PPP2R1B: variants seen among roughly 807,000 people sequenced by gnomAD.
PPP2R1B encodes serine/threonine-protein phosphatase 2A 65 kDa regulatory subunit A beta isoform.
A neutral mutation model predicts 72.7 loss-of-function variants in PPP2R1B; 58 were observed. The ratio of observed to expected loss-of-function variants is 0.80; its 90% CI spans 0.65 to 0.99. The LOEUF is 0.99. Ranked by LOEUF, PPP2R1B falls within the 50% of genes least tolerant of loss-of-function variation. The probability of loss-of-function intolerance (pLI) is 0.00; values close to 1 mark genes in which losing one functional copy is unlikely to be tolerated. For synonymous variants in PPP2R1B, 256 were observed against 264.6 expected (o/e 0.97, Z 0.32); for missense variants, 695 against 733.6 (o/e 0.95, Z 0.61).
chr11:111,763,671 G>A (rs908453099), intron 3 of PPP2R1B, among the ~76,000 whole-genome samples: 3 of 152,200 alleles, frequency 2.0e-5, no homozygotes, highest in Non-Finnish European at 4.4e-5. Flanking sequence ...TACATTCTAG[G>A]TTTTGGCTTG....
chr11:111,690,371 C>G, the PPP2R1B span, among the ~76,000 whole-genome samples: 1 of 150,876 alleles, frequency 6.6e-6, no homozygotes. Flanking sequence ...AAATATTTAC[C>G]AAAACAATAG....
At chr11:111,698,495 A>G in the PPP2R1B span, among the ~76,000 whole-genome samples, 1 of 152,204 alleles carries the variant, frequency 6.6e-6, no homozygotes, top group African/African-American at 2.4e-5. Context: ...TAATCCCAGC[A>G]CTTTGGGAGG....
the PPP2R1B span, chr11:111,712,087 T>C: frequency 3.9e-6 from 4 of 1,035,424 alleles, no homozygotes; most frequent in South Asian, 1.6e-5. Context: ...CTTTCTGGAG[T>C]TTCCAATAAA....
the PPP2R1B span, among the ~76,000 whole-genome samples, chr11:111,714,561 T>A: frequency 6.6e-6 from 1 of 152,162 alleles, no homozygotes; most frequent in Non-Finnish European, 1.5e-5. Context: ...ACTAGAATAG[T>A]GGCAGATAGA....
intron 14 of PPP2R1B, 178 bp downstream of exon 14, chr11:111,741,875 G>A (rs896231632): frequency 1.3e-6 from 1 of 744,436 alleles, no homozygotes; most frequent in East Asian, 2.6e-5. Context: ...GCTCACTTAT[G>A]AGAAAATGGT....
At chr11:111,765,685 G>A (rs1233508915) in intron 1 of PPP2R1B, 2 of 504,196 alleles carry the variant, frequency 4.0e-6, no homozygotes, top group Non-Finnish European at 7.7e-6. Flanking sequence ...CTTTGGCAGT[G>A]GTGAAGCAGG....
chr11:111,729,506 A>C (rs1944110048), intron 15 of PPP2R1B: 1 of 152,230 alleles, frequency 6.6e-6, no homozygotes, highest in Non-Finnish European at 1.5e-5. Flanking sequence ...GAAGTTTGTG[A>C]CTTCTCTGAG....
intron 3 of PPP2R1B, 59 bp from the exon 4 acceptor site, chr11:111,761,110 G>A (rs781980499): frequency 7.9e-6 from 11 of 1,397,738 alleles, no homozygotes; most frequent in Non-Finnish European, 9.0e-6. Flanking sequence ...GTTAGAAACA[G>A]ATAATCACCT....
At chr11:111,754,012 G>A (rs1945010420) in intron 8 of PPP2R1B, among the ~76,000 whole-genome samples, 1 of 151,896 alleles carries the variant, frequency 6.6e-6, no homozygotes. Flanking sequence ...AACCTCCTGG[G>A]CTCAAGCAAT....
downstream of PPP2R1B, among the ~76,000 whole-genome samples, chr11:111,734,556 C>G (rs1227772586): frequency 6.6e-6 from 1 of 152,248 alleles, no homozygotes; most frequent in East Asian, 1.9e-4. Context: ...GCCTAAGGAC[C>G]TGCTCCCGTG....
chr11:111,722,504 GA>G (rs935605477), downstream of PPP2R1B, among the ~76,000 whole-genome samples: 10 of 152,362 alleles, frequency 6.6e-5, no homozygotes, highest in African/African-American at 2.2e-4. This position sits in a 1 kb window ranked among gnomAD's most constrained non-coding sequence, Gnocchi z 4.4. Flanking sequence ...CTGCGGGCCC[GA>G]TGCTCTTTCA....
chr11:111,726,860 T>C, downstream of PPP2R1B: 2 of 1,019,316 alleles, frequency 2.0e-6, no homozygotes, highest in Non-Finnish European at 3.0e-6. Context: ...CAGGCTCCTC[T>C]GAAGAGACTT....
chr11:111,691,182 T>C, the PPP2R1B span, among the ~76,000 whole-genome samples: 1 of 152,212 alleles, frequency 6.6e-6, no homozygotes, highest in Non-Finnish European at 1.5e-5. Flanking sequence ...TTGTGTGATA[T>C]CTTAGGTTTT....
chr11:111,758,590 AAAAAGAAAAG>A (rs566275838), intron 5 of PPP2R1B, among the ~76,000 whole-genome samples: 34 of 152,282 alleles, frequency 2.2e-4, no homozygotes, highest in African/African-American at 3.6e-4. Flanking sequence ...CTCCTTTTAA[AAAAAGAAAAG>A]AAAAGAAAAG....
the PPP2R1B span, among the ~76,000 whole-genome samples, chr11:111,697,048 A>G: frequency 3.3e-5 from 5 of 152,182 alleles, no homozygotes; most frequent in East Asian, 1.9e-4. Flanking sequence ...AACTTCTTCA[A>G]AAATAACTAT....
chr11:111,725,000 C>G (rs1943923490), downstream of PPP2R1B: 1 of 152,540 alleles, frequency 6.6e-6, no homozygotes, highest in Non-Finnish European at 1.5e-5. Context: ...CAGTCGGTCT[C>G]CAGGGTACCT....
At chr11:111,707,834 C>T in the PPP2R1B span, among the ~76,000 whole-genome samples, 1 of 152,158 alleles carries the variant, frequency 6.6e-6, no homozygotes, top group African/African-American at 2.4e-5. Context: ...TCATGCAGAC[C>T]TTGGGTTCCA....
At chr11:111,702,767 G>GCTA in the PPP2R1B span, among the ~76,000 whole-genome samples, 2 of 152,208 alleles carry the variant, frequency 1.3e-5, no homozygotes, top group Non-Finnish European at 2.9e-5. Context: ...ACTTTTCTCA[G>GCTA]CTACAGTGAT....
At chr11:111,719,935 C>T in the PPP2R1B span, 5 of 1,614,216 alleles carry the variant, frequency 3.1e-6, no homozygotes, top group Non-Finnish European at 4.2e-6. Context: ...TTTCAGTCCA[C>T]ACGCAGCGGG....
Sources: allele counts gnomAD v4.1 joint callset (sites outside exome capture counted in the v4.1 genomes callset), GRCh38; gene constraint gnomAD v4.1.1; non-coding constraint Gnocchi (gnomAD v3.1); transcripts MANE v1.5; gene names NCBI Gene and HGNC (gene_info 2026-07-23, HGNC 2026-07-21).